Variants in PRR5 observed in about 807,000 individuals in gnomAD.
PRR5 encodes proline rich 5.
Under a neutral mutation model 30.6 loss-of-function variants are expected in PRR5, and 25 were observed. The ratio of observed to expected loss-of-function variants is 0.82; its 90% CI spans 0.60 to 1.14. The LOEUF is 1.14. Among genes scored for constraint, PRR5 ranks in the 50% most tolerant of loss-of-function variants. The pLI is 0.00. For synonymous variants in PRR5, 286 were observed against 247.1 expected (o/e 1.16, Z -1.48); for missense variants, 600 against 547.1 (o/e 1.10, Z -0.96).
intron 2 of PRR5, among the ~76,000 whole-genome samples, chr22:44,720,813 G>A (rs901514445): frequency 6.6e-5 from 10 of 152,162 alleles, no homozygotes; most frequent in African/African-American, 2.2e-4. Context: ...GAGAAGGAGT[G>A]CGCTGAGTTC....
chr22:44,725,201 C>T lies in PRR5; in HGVS notation c.216-43C>T, dbSNP rs370419846. ...GTCCGTGGGTCCCCCATGCCAGTGC[C>T]GTGTGGTCTGGGACTCACTCTTGTC... On this transcript the variant is annotated intron_variant, in intron 2 of 7. Transcript: ENST00000336985. 6.3e-5 allele frequency: 101 copies of T among 1,610,748 alleles called. No individual in the cohort carries two copies. The African/African-American group carries it at 1.1e-3, about 17-fold the overall frequency.
chr22:44,717,739 G>GT (rs1929301386), intron 2 of PRR5, among the ~76,000 whole-genome samples: 1 of 148,112 alleles, frequency 6.8e-6, no homozygotes. Flanking sequence ...TTTTTGAGAC[G>GT]GAGTTTCACT....
At chr22:44,714,538 C>T (rs1273958369) in intron 1 of PRR5, 53 bp from the exon 2 acceptor site, 2 of 1,603,586 alleles carry the variant, frequency 1.2e-6, no homozygotes, top group Non-Finnish European at 1.7e-6. Flanking sequence ...TGATGGGCAA[C>T]CAGGGGGCTC....
chr22:44,726,768 G>T, intron 4 of PRR5, 134 bp downstream of exon 4: 1 of 1,362,988 alleles, frequency 7.3e-7, no homozygotes, highest in Non-Finnish European at 1.0e-6. Context: ...GAAGGAACAC[G>T]TATAGCCTTA....
At chr22:44,730,416 C>T (rs909713087) in intron 4 of PRR5, 34 of 985,280 alleles carry the variant, frequency 3.5e-5, no homozygotes, top group Non-Finnish European at 4.1e-5. Flanking sequence ...GCCCTCATCC[C>T]AGCTCCGCTC....
At chr22:44,693,512 G>T (rs7292339) in intron 1 of PRR5, among the ~76,000 whole-genome samples, 73,232 of 151,564 alleles carry the variant, frequency 0.48, 18,169 homozygotes, top group South Asian at 0.64. Context: ...TGACTCCAAG[G>T]GTGCCTTGGC....
At chr22:44,685,695 G>A (rs556885749) in intron 1 of PRR5, among the ~76,000 whole-genome samples, 30 of 152,346 alleles carry the variant, frequency 2.0e-4, no homozygotes, top group South Asian at 1.2e-3. Context: ...CCAGGCGTGG[G>A]CTGTGGTGCC....
At chr22:44,669,889 C>T (rs11914213) in intron 1 of PRR5, among the ~76,000 whole-genome samples, 1 of 152,096 alleles carries the variant, frequency 6.6e-6, no homozygotes, top group Non-Finnish European at 1.5e-5. Flanking sequence ...CCCTGTGGCC[C>T]CTCCGGCCTT....
intron 1 of PRR5, 130 bp from the exon 2 acceptor site, chr22:44,714,461 T>C: frequency 7.8e-7 from 1 of 1,288,868 alleles, no homozygotes; most frequent in Admixed American, 2.1e-5. Context: ...TTGAAGTGGG[T>C]GTGAGCAGGG....
chr22:44,703,946 A>T (rs5765916), intron 1 of PRR5, among the ~76,000 whole-genome samples: 48,204 of 151,948 alleles, frequency 0.32, 8,013 homozygotes, highest in East Asian at 0.48. Flanking sequence ...CTGTCCTTGA[A>T]TCTCTGCCGT....
At chr22:44,681,686 CTTTG>C (rs1924301791) in intron 1 of PRR5, among the ~76,000 whole-genome samples, 1 of 151,988 alleles carries the variant, frequency 6.6e-6, no homozygotes, top group Admixed American at 6.6e-5. Flanking sequence ...GGCTGTTGAA[CTTTG>C]TTTGACTCTG....
intron 1 of PRR5, among the ~76,000 whole-genome samples, chr22:44,709,262 TGC>T (rs1161402827): frequency 1.3e-5 from 2 of 152,164 alleles, no homozygotes; most frequent in Non-Finnish European, 2.9e-5. Flanking sequence ...GCAGATTTCT[TGC>T]CCTAGTTCCC....
Position 44,736,805 on chromosome 22 carries a change from A to C in PRR5, c.725A>C (p.Asp242Ala). 1.3e-6 allele frequency: 2 copies of C among 1,571,290 alleles called. No homozygotes were observed. Among genetic ancestry groups the C allele is most frequent in the Admixed American group, 1.8e-5 (1 of 56,958 alleles). ...KRLLRRSRSG[D>A]VLAKNPVVRS... ...CTCCTCCGCCGCTCCCGCTCGGGGG[A>C]CGTGCTGGCCAAGAACCCTGTGGTG... The change falls in exon 8 of 8, where the codon GAC becomes GCC. Residue 242 changes from aspartate (D) to alanine (A), a missense_variant. By Grantham distance (126) the Asp-to-Ala change is moderately radical (BLOSUM62 -2). Transcript: ENST00000336985.
At chr22:44,730,540 G>A (rs998150606) in intron 4 of PRR5, 11 of 988,678 alleles carry the variant, frequency 1.1e-5, no homozygotes, top group South Asian at 4.6e-5. Flanking sequence ...GCATGGCACC[G>A]TTCCTCTCAA....
chr22:44,693,413 C>T (rs1384742144), intron 1 of PRR5, among the ~76,000 whole-genome samples: 1 of 151,248 alleles, frequency 6.6e-6, no homozygotes, highest in Non-Finnish European at 1.5e-5. Context: ...GAGTCATGAT[C>T]ACACCACTGC....
intron 6 of PRR5, among the ~76,000 whole-genome samples, chr22:44,732,827 G>T (rs1165555343): frequency 1.9e-4 from 12 of 64,056 alleles, no homozygotes; most frequent in African/African-American, 4.9e-4. Context: ...ACGTGTGCAC[G>T]CACATACTAC....
At chr22:44,726,735 G>A in intron 4 of PRR5, 101 bp downstream of exon 4, 1 of 1,565,796 alleles carries the variant, frequency 6.4e-7, no homozygotes, top group Non-Finnish European at 8.7e-7. Flanking sequence ...TGCAAGGTGT[G>A]GCTCTCTGGT....
intron 4 of PRR5, chr22:44,731,491 G>T: frequency 1.7e-6 from 1 of 574,806 alleles, no homozygotes; most frequent in Non-Finnish European, 3.1e-6. Flanking sequence ...CATGCCCTCA[G>T]CTCTGGGAGG....
At chr22:44,720,431 G>A (rs1274760787) in intron 2 of PRR5, among the ~76,000 whole-genome samples, 5 of 152,168 alleles carry the variant, frequency 3.3e-5, no homozygotes, top group Non-Finnish European at 2.9e-5. Context: ...CCCCATCTCT[G>A]GAGTGAACAT....
Sources: allele counts gnomAD v4.1 joint callset (sites outside exome capture counted in the v4.1 genomes callset), GRCh38; gene constraint gnomAD v4.1.1; transcripts MANE v1.5; gene names NCBI Gene and HGNC (gene_info 2026-07-23, HGNC 2026-07-21).